Variants in MMP24 observed in about 807,000 individuals in gnomAD.
MMP24 encodes the protein matrix metallopeptidase 24, also known as matrix metalloproteinase-24.
Under a neutral mutation model 62.8 loss-of-function variants are expected in MMP24, and 25 were observed. That is an observed-to-expected ratio of 0.40 (90% CI 0.29 to 0.56). The LOEUF (loss-of-function observed/expected upper bound fraction) is 0.56. Ranked by LOEUF, MMP24 falls within the 20% of genes least tolerant of loss-of-function variation. The probability of loss-of-function intolerance (pLI) is 0.50; values close to 1 mark genes in which losing one functional copy is unlikely to be tolerated. For missense variants in MMP24, 634 were observed against 853.6 expected (o/e 0.74, Z 3.21); for synonymous variants, 319 against 350.5 (o/e 0.91, Z 1.00).
chr20:35,258,266 A>G (rs1165640804), intron 4 of MMP24, among the ~76,000 whole-genome samples: 1 of 152,216 alleles, frequency 6.6e-6, no homozygotes. Context: ...AATTTTTAAC[A>G]TAAGCACACA....
intron 1 of MMP24, among the ~76,000 whole-genome samples, chr20:35,236,481 T>TA (rs1248957206): frequency 6.6e-6 from 1 of 152,204 alleles, no homozygotes; most frequent in African/African-American, 2.4e-5. Context: ...ATTAGTTATA[T>TA]AACTCAGGTG....
rs554368304 is a variant in MMP24, at chr20:35,254,732, G to A, written c.795G>A (p.Thr265=). ...DTHFDSDEPW[T]LGNANHDGND... ...ACTTTGACTCCGATGAGCCATGGACGCTAGGAAATGCCAACCATGACGGTA... is the reference window on the plus strand; with the variant it reads ...ACTTTGACTCCGATGAGCCATGGACACTAGGAAATGCCAACCATGACGGTA... Residue 265 remains threonine (T), a synonymous_variant, in exon 4 of 9, where the codon ACG becomes ACA. Transcript: ENST00000246186. The A allele has an allele frequency of 6.8e-6, 11 of 1,612,816 alleles. No homozygotes were observed. Among genetic ancestry groups the A allele is most frequent in the Non-Finnish European group, 6.8e-6 (8 of 1,179,168 alleles).
In MMP24 at chr20:35,269,378, C is replaced by G. The variant is rs114044902; in HGVS notation, c.1195-382C>G. ...TGGAGCCAGCCTCATGGAGGGCGCT[C>G]GGCCCAGGCTCAGTGACCACCCCAG... On this transcript the variant is annotated intron_variant, in intron 6 of 8. Coordinates refer to ENST00000246186, the MANE Select transcript of MMP24 (RefSeq NM_006690.4). The surrounding 1 kb of genome is among the most constrained non-coding windows in gnomAD (Gnocchi z 4.6). Among the ~76,000 whole-genome samples, 4,922 of 152,260 alleles carry G rather than the reference C, an allele frequency of 0.032. 269 individuals carry two copies. The highest frequency in any genetic ancestry group is 0.11 in the African/African-American group (4,575 of 41,542).
chr20:35,248,176 C>CA (rs1220915850), intron 2 of MMP24, among the ~76,000 whole-genome samples: 1 of 152,108 alleles, frequency 6.6e-6, no homozygotes, highest in Non-Finnish European at 1.5e-5. Flanking sequence ...ACAGGAAATG[C>CA]ACCCAGTTGT....
At chr20:35,236,163 G>A (rs1043628579) in intron 1 of MMP24, 1 of 152,184 alleles carries the variant, frequency 6.6e-6, no homozygotes, top group Non-Finnish European at 1.5e-5. Context: ...GGGCATTGTG[G>A]GCGATCCTGA....
chr20:35,263,357 G>T (rs897166713), intron 4 of MMP24: 1 of 153,350 alleles, frequency 6.5e-6, no homozygotes, highest in Non-Finnish European at 1.4e-5. Context: ...CCTGTCTCTG[G>T]ACTGTGTTTA....
Position 35,267,283 on chromosome 20 carries a change from G to A in MMP24, c.1058G>A (p.Arg353Lys), listed in dbSNP as rs754963446. 5 of 1,604,804 alleles carry A rather than the reference G, an allele frequency of 3.1e-6. No individual in the cohort carries two copies. In the South Asian group the frequency reaches 5.6e-5, roughly 18 times the overall value. Residue 353 changes from arginine (R) to lysine (K), a missense_variant, in exon 6 of 9, where the codon AGG becomes AAG. Coordinates refer to ENST00000246186, the MANE Select transcript of MMP24 (RefSeq NM_006690.4). The stretch of plus-strand genomic sequence containing the variant: ...CGCAGGATCCACTCACCATCGGAGA[G>A]GAAACACGAGCGCCAGCCCAGGCCC... ...PVRRIHSPSE[R>K]KHERQPRPPR...
intron 6 of MMP24, 65 bp downstream of exon 6, chr20:35,267,484 T>G: frequency 6.8e-7 from 1 of 1,461,724 alleles, no homozygotes; most frequent in Non-Finnish European, 9.3e-7. Context: ...CCCGACATCA[T>G]GGAGCTGGGG....
chr20:35,258,114 A>G (rs1174018378), intron 4 of MMP24, among the ~76,000 whole-genome samples: 1 of 152,146 alleles, frequency 6.6e-6, no homozygotes, highest in Non-Finnish European at 1.5e-5. Flanking sequence ...CCAGATACCC[A>G]CCACCTGCCT....
At position 35,275,801 on chromosome 20, in the gene MMP24, C is replaced by T. The variant is rs913531563; in HGVS notation, c.*1192C>T. The T allele has an allele frequency of 1.0e-5, 4 of 390,618 alleles. No homozygotes were observed. Among genetic ancestry groups the T allele is most frequent in the Non-Finnish European group, 1.8e-5 (4 of 221,604 alleles). The allele number at this position is 390,618 out of a possible 1,614,324, so 24.2% of individuals were successfully genotyped here. A position where few individuals can be genotyped will look rare whatever the true frequency, so the allele number is the denominator to read the frequency against. ...GAGCTTGGCCCTTGCTGACCTCGCTCACTGGGCCCATCTTCCCACACTGCT... is the reference window on the plus strand; with the variant it reads ...GAGCTTGGCCCTTGCTGACCTCGCTTACTGGGCCCATCTTCCCACACTGCT... On this transcript the variant is annotated 3_prime_UTR_variant, in exon 9 of 9. Coordinates refer to ENST00000246186, the MANE Select transcript of MMP24 (RefSeq NM_006690.4).
At chr20:35,230,423 T>C (rs6058208) in intron 1 of MMP24, among the ~76,000 whole-genome samples, 4,624 of 152,354 alleles carry the variant, frequency 0.03, 227 homozygotes, top group African/African-American at 0.099. Flanking sequence ...CATCATTAAG[T>C]ATTCAATGAG....
chr20:35,273,654 G>C (rs1331743062), intron 8 of MMP24, among the ~76,000 whole-genome samples: 1 of 152,114 alleles, frequency 6.6e-6, no homozygotes, highest in African/African-American at 2.4e-5. Context: ...AGCCAATGAG[G>C]ACGGCCTAAG....
intron 1 of MMP24, among the ~76,000 whole-genome samples, chr20:35,238,495 G>A (rs1246868668): frequency 6.6e-6 from 1 of 152,138 alleles, no homozygotes; most frequent in African/African-American, 2.4e-5. Flanking sequence ...TGAATAGAAG[G>A]AACAATACGT....
intron 2 of MMP24, among the ~76,000 whole-genome samples, chr20:35,248,306 CTT>C (rs11479770): frequency 4.8e-4 from 65 of 136,740 alleles, no homozygotes; most frequent in Middle Eastern, 3.7e-3. Flanking sequence ...TTCCCCCCCC[CTT>C]TTTTTTTTTT....
chr20:35,258,310 T>G (rs2060585178), intron 4 of MMP24, among the ~76,000 whole-genome samples: 1 of 152,218 alleles, frequency 6.6e-6, no homozygotes, highest in African/African-American at 2.4e-5. Context: ...TAACAATAAT[T>G]TTTTAAAATC....
Position 35,263,843 on chromosome 20 carries a change from G to T in MMP24, c.870G>T (p.Leu290=). 6.2e-7 allele frequency: 1 copy of T among 1,609,920 alleles called. No individual in the cohort carries two copies. Among genetic ancestry groups the T allele is most frequent in the Admixed American group, 1.7e-5 (1 of 59,280 alleles). ...AVHELGHALG[L]EHSSDPSAIM... is the part of the protein sequence containing the mutation. ...ATGAGCTGGGCCACGCGCTGGGACTGGAGCACTCCAGCGACCCCAGCGCCA... is the reference window on the plus strand; with the variant it reads ...ATGAGCTGGGCCACGCGCTGGGACTTGAGCACTCCAGCGACCCCAGCGCCA... Residue 290 remains leucine, a synonymous_variant, in exon 5 of 9, where the codon CTG becomes CTT. Coordinates refer to ENST00000246186, the MANE Select transcript of MMP24 (RefSeq NM_006690.4).
rs1490359278 is a variant in MMP24 at position 35,271,971 on chromosome 20, T to G, written c.1600+136T>G. 3.1e-6 allele frequency: 3 copies of G among 960,448 alleles called. No individual in the cohort carries two copies. The highest frequency in any genetic ancestry group is 5.3e-5 in the East Asian group (2 of 37,894). The allele number at this position is 960,448 out of a possible 1,614,324, so 59.5% of individuals were successfully genotyped here. A position where few individuals can be genotyped will look rare whatever the true frequency, so the allele number is the denominator to read the frequency against. On this transcript the variant is annotated intron_variant, in intron 8 of 8. Coordinates refer to ENST00000246186, the MANE Select transcript of MMP24 (RefSeq NM_006690.4). This position sits in a 1 kb window ranked among gnomAD's most constrained non-coding sequence, Gnocchi z 4.0. ...TGGTGGCAGACAACTGCCTCATATCTACCCATGTTCACGTGGTCCATTAAT... is the reference window on the plus strand; with the variant it reads ...TGGTGGCAGACAACTGCCTCATATCGACCCATGTTCACGTGGTCCATTAAT...
rs146758869 is a variant in MMP24, at chr20:35,267,441, C to T, written c.1194+22C>T. On this transcript the variant is annotated intron_variant, in intron 6 of 8. Coordinates refer to ENST00000246186, the MANE Select transcript of MMP24 (RefSeq NM_006690.4). ...TAAGGTAGGGCCAATGGATTGGCACCACCCAGCTGGCCCCTGACCTTTCCT... is the reference window on the plus strand; with the variant it reads ...TAAGGTAGGGCCAATGGATTGGCACTACCCAGCTGGCCCCTGACCTTTCCT... 110 of 1,543,478 alleles carry T rather than the reference C, an allele frequency of 7.1e-5. No individual in the cohort carries two copies. In the African/African-American group the frequency reaches 1.2e-3, roughly 16 times the overall value.
Position 35,261,458 on chromosome 20 carries a change from G to A in MMP24, c.818-2333G>A, listed in dbSNP as rs571813803. 2.6e-3 allele frequency among the ~76,000 whole-genome samples: 402 copies of A among 152,288 alleles called. 3 individuals carry two copies. The highest frequency in any genetic ancestry group is 9.4e-3 in the African/African-American group (391 of 41,558). ...CAAGTGAGGACATTGAGGCTTAGGGGTAGCCCTGCTGGCCATATTCACAAA... is the reference window on the plus strand; with the variant it reads ...CAAGTGAGGACATTGAGGCTTAGGGATAGCCCTGCTGGCCATATTCACAAA... On this transcript the variant is annotated intron_variant, in intron 4 of 8. Coordinates refer to ENST00000246186, the MANE Select transcript of MMP24 (RefSeq NM_006690.4).
Sources: gnomAD v4.1 joint callset for allele counts (sites outside exome capture counted in the v4.1 genomes callset) on GRCh38, gnomAD v4.1.1 for gene constraint, Gnocchi (gnomAD v3.1) non-coding constraint, MANE v1.5 for transcripts, NCBI Gene and HGNC (gene_info 2026-07-23, HGNC 2026-07-21) for gene names.